Variants in CACNB2 observed in about 807,000 individuals in gnomAD.
The protein encoded by CACNB2 is calcium voltage-gated channel auxiliary subunit beta 2, also known as voltage-dependent L-type calcium channel subunit beta-2.
In CACNB2, 42 loss-of-function variants were observed where a neutral mutation model predicts 73.3. The ratio of observed to expected loss-of-function variants is 0.57; its 90% confidence interval spans 0.45 to 0.74. The LOEUF (loss-of-function observed/expected upper bound fraction) is 0.74, where lower values mean the gene tolerates loss of function less well. Ranked by LOEUF, CACNB2 falls within the 30% of genes least tolerant of loss-of-function variation. The pLI is 0.00. For synonymous variants in CACNB2, 348 were observed against 310.3 expected, an observed-to-expected ratio of 1.12 and a Z score of -1.28; for missense variants, 940 against 853.0, an observed-to-expected ratio of 1.10 and a Z score of -1.27.
chr10:18,500,770 C>T (rs1473637252), intron 4 of CACNB2, 42 bp from the exon 5 acceptor site: 5 of 1,600,886 alleles, frequency 3.1e-6, no homozygotes, highest in Non-Finnish European at 4.3e-6. Flanking sequence ...AGGATTTGAC[C>T]TTCTGTGCAC....
At chr10:18,322,727 C>A (rs1465171545) in intron 2 of CACNB2, among the ~76,000 whole-genome samples, 2 of 151,984 alleles carry the variant, frequency 1.3e-5, no homozygotes, top group Non-Finnish European at 2.9e-5. Context: ...GGAATAAATT[C>A]TTAAAGTATC....
chr10:18,279,747 A>G (rs1454969294), intron 2 of CACNB2, among the ~76,000 whole-genome samples: 2 of 152,232 alleles, frequency 1.3e-5, no homozygotes, highest in African/African-American at 4.8e-5. Context: ...CTTCAAAGTC[A>G]TTGGTACTAA....
intron 2 of CACNB2, among the ~76,000 whole-genome samples, chr10:18,188,016 A>G (rs1265043846): frequency 6.6e-6 from 1 of 152,216 alleles, no homozygotes; most frequent in Non-Finnish European, 1.5e-5. Flanking sequence ...GGATTAAGGT[A>G]GAGAGTAGGA....
At chr10:18,495,407 T>A (rs1478804643) in intron 3 of CACNB2, among the ~76,000 whole-genome samples, 1 of 152,088 alleles carries the variant, frequency 6.6e-6, no homozygotes, top group African/African-American at 2.4e-5. Flanking sequence ...TTAGTAGAGA[T>A]GGGGTTTCTC....
chr10:18,289,112 T>C (rs1352708234), intron 2 of CACNB2, among the ~76,000 whole-genome samples: 3 of 152,140 alleles, frequency 2.0e-5, no homozygotes, highest in Middle Eastern at 3.2e-3. Flanking sequence ...TTTCTTCTGA[T>C]TTTGAACTGA....
In CACNB2 at chr10:18,140,904, G is replaced by A. The variant is rs1044558295; in HGVS notation, c.120+48G>A. 1.9e-6 allele frequency: 3 copies of A among 1,559,716 alleles called. No homozygotes were observed. The African/African-American group carries it at 4.0e-5, about 21-fold the overall frequency. Reference sequence around the variant, plus strand: ...TCCTTCCTTTGTGAGCCGCCGGGCAGGGCACCGACCTCGGGTTCTCCCGGC... The same window carrying A: ...TCCTTCCTTTGTGAGCCGCCGGGCAAGGCACCGACCTCGGGTTCTCCCGGC... On this transcript the variant is annotated intron_variant, in intron 1 of 13. Coordinates refer to ENST00000324631, the MANE Select transcript of CACNB2 (RefSeq NM_201596.3).
At chr10:18,287,258 G>C (rs1338899969) in intron 2 of CACNB2, among the ~76,000 whole-genome samples, 3 of 152,108 alleles carry the variant, frequency 2.0e-5, no homozygotes, top group Admixed American at 1.3e-4. Flanking sequence ...AAATATGGGA[G>C]GCAGAGGTTG....
intron 3 of CACNB2, among the ~76,000 whole-genome samples, chr10:18,419,254 G>A (rs1266265310): frequency 4.6e-5 from 7 of 152,160 alleles, no homozygotes; most frequent in African/African-American, 1.4e-4. Context: ...GTCACATAAT[G>A]GATATGCAAA....
At position 18,210,275 on chromosome 10, in the gene CACNB2, T is replaced by A. The variant is rs188506857; in HGVS notation, c.213+59300T>A. Among the ~76,000 whole-genome samples the A allele has an allele frequency of 9.9e-5, 15 of 152,242 alleles. No individual in the cohort carries two copies. The East Asian group carries it at 2.9e-3, about 29-fold the overall frequency. On this transcript the variant is annotated intron_variant, in intron 2 of 13. Transcript: ENST00000324631. ...AAGTGTGTGGAAGAGAAAACGCAGC[T>A]CCAGAATGGAGAGAAATGTATATAC...
Position 18,398,433 on chromosome 10 carries a change from G to A in CACNB2, c.214-3491G>A, listed in dbSNP as rs534791346. Among the ~76,000 whole-genome samples, 9 of 152,246 alleles carry A rather than the reference G, an allele frequency of 5.9e-5. No homozygotes were observed. In the South Asian group the frequency reaches 1.9e-3, roughly 32 times the overall value. On this transcript the variant is annotated intron_variant, in intron 2 of 13. Transcript: ENST00000324631. ...TAAACCCAACACTTTGGGAGGCTGAGGCAGGAGGATTGCTTGAGCCCAGGA... is the reference window on the plus strand; with the variant it reads ...TAAACCCAACACTTTGGGAGGCTGAAGCAGGAGGATTGCTTGAGCCCAGGA...
intron 2 of CACNB2, among the ~76,000 whole-genome samples, chr10:18,220,688 T>G (rs913343932): frequency 3.3e-5 from 5 of 152,124 alleles, no homozygotes; most frequent in Non-Finnish European, 7.4e-5. Flanking sequence ...CAAGCAAGCA[T>G]TGCAGCCTGA....
chr10:18,305,921 T>C (rs1303948266), intron 2 of CACNB2, among the ~76,000 whole-genome samples: 1 of 152,014 alleles, frequency 6.6e-6, no homozygotes, highest in East Asian at 1.9e-4. Context: ...TGAGCTATGA[T>C]TGTGCCACTG....
At chr10:18,503,870 G>A (rs2050343966) in intron 5 of CACNB2, among the ~76,000 whole-genome samples, 1 of 152,100 alleles carries the variant, frequency 6.6e-6, no homozygotes, top group African/African-American at 2.4e-5. Flanking sequence ...CATGTACACT[G>A]TGAATCTCTG....
chr10:18,280,434 G>A (rs1168146843), intron 2 of CACNB2, among the ~76,000 whole-genome samples: 16 of 152,112 alleles, frequency 1.1e-4, no homozygotes, highest in Admixed American at 1.0e-3. Context: ...GTTGAGCCTG[G>A]TCCTAAAGTC....
chr10:18,238,283 A>C (rs2131489186), intron 2 of CACNB2: 1 of 152,310 alleles, frequency 6.6e-6, no homozygotes, highest in African/African-American at 2.4e-5. Context: ...TTCCAGTTCT[A>C]GCCTGGTCCT....
intron 3 of CACNB2, among the ~76,000 whole-genome samples, chr10:18,456,195 G>C (rs547968275): frequency 3.3e-5 from 5 of 152,088 alleles, no homozygotes; most frequent in Admixed American, 2.0e-4. Flanking sequence ...TCTTGGCCAG[G>C]CACGGTGGCT....
chr10:18,358,836 T>G (rs997857520), intron 2 of CACNB2, among the ~76,000 whole-genome samples: 2 of 152,136 alleles, frequency 1.3e-5, no homozygotes, highest in African/African-American at 4.8e-5. Context: ...ATTTATAGAT[T>G]TCTTGTGTCT....
chr10:18,495,261 G>T lies in CACNB2; in HGVS notation c.334-3094G>T, dbSNP rs1221226872. On this transcript the variant is annotated intron_variant, in intron 3 of 13. Coordinates refer to ENST00000324631, the MANE Select transcript of CACNB2 (RefSeq NM_201596.3). ...AGATAGAGTCTCACTCTATCACCCA[G>T]GCTGGAGTGCAGTGGTGCAATGATC... 2.0e-5 allele frequency among the ~76,000 whole-genome samples: 3 copies of T among 151,142 alleles called. No homozygotes were observed. In the South Asian group the frequency reaches 6.3e-4, roughly 32 times the overall value.
At chr10:18,320,167 C>T (rs570721672) in intron 2 of CACNB2, among the ~76,000 whole-genome samples, 9 of 152,306 alleles carry the variant, frequency 5.9e-5, no homozygotes, top group East Asian at 5.8e-4. Context: ...TAATTTCCCC[C>T]TCTTTGATTC....
Sources: gnomAD v4.1 joint callset for allele counts (sites outside exome capture counted in the v4.1 genomes callset) on GRCh38, gnomAD v4.1.1 for gene constraint, MANE v1.5 for transcripts, NCBI Gene and HGNC (gene_info 2026-07-23, HGNC 2026-07-21) for gene names.